Variants in OSBPL9 observed in about 807,000 individuals in gnomAD.
OSBPL9 encodes oxysterol-binding protein-related protein 9.
Under a neutral mutation model 106.6 loss-of-function variants are expected in OSBPL9, and 40 were observed. That is an observed-to-expected ratio of 0.38 (90% CI 0.29 to 0.49). The LOEUF (loss-of-function observed/expected upper bound fraction) is 0.49, where lower values mean the gene tolerates loss of function less well. Among genes scored for constraint, OSBPL9 ranks in the 20% least tolerant of loss-of-function variants. OSBPL9 has a pLI of 0.97. For synonymous variants in OSBPL9, 269 were observed against 295.4 expected (o/e 0.91, Z 0.92); for missense variants, 609 against 887.2 (o/e 0.69, Z 3.98).
At chr1:51,714,311 A>G (rs1297343255) in intron 4 of OSBPL9, among the ~76,000 whole-genome samples, 2 of 152,220 alleles carry the variant, frequency 1.3e-5, no homozygotes, top group Non-Finnish European at 2.9e-5. Flanking sequence ...GTGCAAGACA[A>G]TGTTGAAAGT....
chr1:51,705,279 G>A (rs554978711), intron 3 of OSBPL9, among the ~76,000 whole-genome samples: 26 of 149,166 alleles, frequency 1.7e-4, no homozygotes, highest in Non-Finnish European at 3.3e-4. Flanking sequence ...GGCTGCAGGC[G>A]TGTGCTGCTG....
chr1:51,689,819 G>A (rs1216925425), intron 3 of OSBPL9, among the ~76,000 whole-genome samples: 2 of 152,112 alleles, frequency 1.3e-5, no homozygotes, highest in South Asian at 2.1e-4. Flanking sequence ...GTTTCCCTAA[G>A]TCTACATTCC....
intron 17 of OSBPL9, among the ~76,000 whole-genome samples, chr1:51,783,226 G>A (rs1286468728): frequency 2.0e-5 from 3 of 151,876 alleles, no homozygotes; most frequent in Admixed American, 1.3e-4. Flanking sequence ...TGTCCCCCAG[G>A]GTGGAATGCA....
chr1:51,588,086 T>A (rs1645254829), intron 1 of OSBPL9, among the ~76,000 whole-genome samples: 2 of 152,086 alleles, frequency 1.3e-5, no homozygotes, highest in African/African-American at 4.8e-5. Flanking sequence ...AAATTATGTA[T>A]ACAGAAAAAA....
chr1:51,605,814 C>T (rs1362107077), intron 2 of OSBPL9, among the ~76,000 whole-genome samples: 3 of 152,014 alleles, frequency 2.0e-5, no homozygotes, highest in African/African-American at 7.2e-5. Context: ...AACGCTGTCT[C>T]CACTAAAAAT....
chr1:51,683,772 G>A (rs970522036), intron 3 of OSBPL9, among the ~76,000 whole-genome samples: 3 of 151,280 alleles, frequency 2.0e-5, no homozygotes, highest in African/African-American at 4.9e-5. Context: ...CAACCTGGGC[G>A]ACAGAGCAAG....
At chr1:51,745,696 G>A in intron 5 of OSBPL9, 65 bp downstream of exon 5, 1 of 1,405,854 alleles carries the variant, frequency 7.1e-7, no homozygotes, top group South Asian at 1.7e-5. Context: ...TGATTTTTGA[G>A]TAAAAACAGT....
chr1:51,713,991 CT>C lies in OSBPL9; in HGVS notation c.242-8del. On this transcript the variant is annotated splice_polypyrimidine_tract_variant and intron_variant, in intron 3 of 23. Transcript: ENST00000428468. ...TAAACTTTTAATTTTAATGTATAAT[CT>C]TTTATTCCAGCCCGTGATGCTGATG... is the stretch of plus-strand genomic sequence containing the variant. 6.3e-7 allele frequency: 1 copy of C among 1,594,340 alleles called. No homozygotes were observed. Among genetic ancestry groups the C allele is most frequent in the Non-Finnish European group, 8.6e-7 (1 of 1,169,452 alleles).
At chr1:51,713,895 C>T in intron 3 of OSBPL9, 108 bp from the exon 4 acceptor site, 1 of 877,282 alleles carries the variant, frequency 1.1e-6, no homozygotes, top group Non-Finnish European at 1.7e-6. Flanking sequence ...AATGGTACAA[C>T]TAAAAACCTT....
intron 11 of OSBPL9, chr1:51,765,534 CAT>C (rs146207087): frequency 0.01 from 2,044 of 199,690 alleles, 42 homozygotes; most frequent in African/African-American, 0.042. Context: ...CTCCACAACT[CAT>C]ATAATCAAAA....
intron 4 of OSBPL9, among the ~76,000 whole-genome samples, chr1:51,716,761 G>A (rs534456950): frequency 1.3e-5 from 2 of 152,102 alleles, no homozygotes; most frequent in African/African-American, 2.4e-5. Flanking sequence ...GGGCACTCAC[G>A]GAGCTGTCTT....
intron 4 of OSBPL9, among the ~76,000 whole-genome samples, chr1:51,716,729 T>A (rs978067663): frequency 3.3e-5 from 5 of 152,238 alleles, no homozygotes; most frequent in African/African-American, 1.2e-4. Context: ...TATAACATAC[T>A]GTCTGTTAGG....
chr1:51,586,449 C>G (rs1324806925), intron 1 of OSBPL9, among the ~76,000 whole-genome samples: 1 of 152,078 alleles, frequency 6.6e-6, no homozygotes, highest in African/African-American at 2.4e-5. Context: ...AAATTGAGCC[C>G]TTACTGTTGG....
At chr1:51,784,639 T>G in intron 20 of OSBPL9, 57 bp downstream of exon 20, 2 of 1,557,312 alleles carry the variant, frequency 1.3e-6, no homozygotes, top group Non-Finnish European at 1.8e-6. Flanking sequence ...CTGCCTTTTG[T>G]CTTGAACTAC....
upstream of OSBPL9, among the ~76,000 whole-genome samples, chr1:51,613,740 CTTT>C (rs1213011994): frequency 4.2e-5 from 6 of 142,846 alleles, no homozygotes; most frequent in Non-Finnish European, 3.1e-5. Context: ...TCTTTCTTTT[CTTT>C]TTTTTTTTTT....
the OSBPL9 span, among the ~76,000 whole-genome samples, chr1:51,554,216 A>T: frequency 6.6e-6 from 1 of 152,324 alleles, no homozygotes; most frequent in South Asian, 2.1e-4. Flanking sequence ...AGAGAGAGAA[A>T]CTGCAGGGAA....
chr1:51,616,776 C>A, upstream of OSBPL9: 1 of 223,662 alleles, frequency 4.5e-6, no homozygotes, highest in South Asian at 6.2e-5. Flanking sequence ...AAATGAATAT[C>A]AGATATGAAA....
intron 4 of OSBPL9, among the ~76,000 whole-genome samples, chr1:51,737,260 T>C (rs182892725): frequency 3.3e-5 from 5 of 152,200 alleles, no homozygotes; most frequent in Admixed American, 3.3e-4. Context: ...CATTTTATAA[T>C]TTTATAGACA....
chr1:51,596,279 A>C (rs960410024), intron 1 of OSBPL9, among the ~76,000 whole-genome samples: 1 of 149,400 alleles, frequency 6.7e-6, no homozygotes, highest in African/African-American at 2.5e-5. Context: ...AAAAAAAAAA[A>C]GGCCAGGCAC....
Sources: allele counts gnomAD v4.1 joint callset (sites outside exome capture counted in the v4.1 genomes callset), GRCh38; gene constraint gnomAD v4.1.1; transcripts MANE v1.5; gene names NCBI Gene and HGNC (gene_info 2026-07-23, HGNC 2026-07-21).